KDM2A: variants seen among roughly 807,000 people sequenced by gnomAD.
KDM2A encodes the protein lysine-specific demethylase 2A.
A neutral mutation model predicts 137.3 loss-of-function variants in KDM2A; 3 were observed. The ratio of observed to expected loss-of-function variants is 0.02; its 90% confidence interval spans 0.01 to 0.06. The LOEUF (loss-of-function observed/expected upper bound fraction) is 0.06. Ranked by LOEUF, KDM2A falls within the 10% of genes least tolerant of loss-of-function variation. The probability of loss-of-function intolerance (pLI) is 1.00; values close to 1 mark genes in which losing one functional copy is unlikely to be tolerated. For missense variants in KDM2A, 738 were observed against 1,510.6 expected, an observed-to-expected ratio of 0.49 and a Z score of 8.48; for synonymous variants, 512 against 541.5, an observed-to-expected ratio of 0.95 and a Z score of 0.76.
At chr11:67,225,637 G>A (rs1211684570) in intron 10 of KDM2A, among the ~76,000 whole-genome samples, 2 of 152,216 alleles carry the variant, frequency 1.3e-5, no homozygotes, top group Admixed American at 6.5e-5. Flanking sequence ...AGGTGTGGTG[G>A]CGCATGCCTG....
intron 5 of KDM2A, among the ~76,000 whole-genome samples, chr11:67,190,403 T>G (rs774287881): frequency 4.9e-4 from 74 of 151,676 alleles, no homozygotes; most frequent in Admixed American, 3.5e-3. Flanking sequence ...AGAGCAAACC[T>G]CCGACTCAAA....
chr11:67,121,742 C>G (rs1414681327), intron 2 of KDM2A, among the ~76,000 whole-genome samples: 1 of 152,130 alleles, frequency 6.6e-6, no homozygotes, highest in Non-Finnish European at 1.5e-5. Flanking sequence ...TAGTTCAATA[C>G]GTTTTTTAAG....
Position 67,246,111 on chromosome 11 carries a change from C to A in KDM2A, c.1960C>A (p.Leu654Ile). 6.2e-7 allele frequency: 1 copy of A among 1,613,834 alleles called. No homozygotes were observed. Among genetic ancestry groups the A allele is most frequent in the South Asian group, 1.1e-5 (1 of 91,036 alleles). ...ICNEIVHPGC[L>I]QMDGEGLLNE... ...CAATGAGATTGTTCATCCTGGCTGC[C>A]TCCAGGTGAGGAGAGCTATGAGGGG... The change falls in exon 15 of 21, where the codon CTC (leucine) becomes ATC (isoleucine). Residue 654 changes from leucine (L) to isoleucine (I), a missense_variant. Coordinates refer to ENST00000529006, the MANE Select transcript of KDM2A (RefSeq NM_012308.3).
chr11:67,186,933 A>C (rs866493249), intron 5 of KDM2A, among the ~76,000 whole-genome samples: 4 of 152,310 alleles, frequency 2.6e-5, no homozygotes, highest in Middle Eastern at 3.4e-3. Context: ...ATGAGTTATT[A>C]ATTTAAGTTT....
At chr11:67,124,757 A>C (rs1855680421) in intron 2 of KDM2A, among the ~76,000 whole-genome samples, 1 of 150,874 alleles carries the variant, frequency 6.6e-6, no homozygotes, top group East Asian at 1.9e-4. Context: ...TGTTGCATAC[A>C]TTAACCCTTA....
At chr11:67,129,248 G>A (rs1283744551) in intron 2 of KDM2A, among the ~76,000 whole-genome samples, 1 of 152,190 alleles carries the variant, frequency 6.6e-6, no homozygotes, top group African/African-American at 2.4e-5. Flanking sequence ...ATGATGTTTG[G>A]TATTTGGACC....
chr11:67,196,019 A>C (rs1227653687), intron 5 of KDM2A: 1 of 413,820 alleles, frequency 2.4e-6, no homozygotes, highest in Non-Finnish European at 4.8e-6. Flanking sequence ...AAGAATTGCT[A>C]AATTTCTCTC....
chr11:67,229,485 C>T (rs1858644584), intron 11 of KDM2A, among the ~76,000 whole-genome samples: 1 of 152,182 alleles, frequency 6.6e-6, no homozygotes, highest in South Asian at 2.1e-4. Context: ...ATCACATGTT[C>T]TTATGGAATC....
chr11:67,187,731 G>A (rs530443403), intron 5 of KDM2A, among the ~76,000 whole-genome samples: 1 of 152,020 alleles, frequency 6.6e-6, no homozygotes, highest in Non-Finnish European at 1.5e-5. Flanking sequence ...CCGCCACCAC[G>A]CCCGGCTAAA....
chr11:67,174,140 C>T (rs1856930445), intron 2 of KDM2A, among the ~76,000 whole-genome samples: 2 of 152,182 alleles, frequency 1.3e-5, no homozygotes, highest in Admixed American at 1.3e-4. Flanking sequence ...TGCCAGTAAT[C>T]CCAGCTACTT....
At chr11:67,207,156 C>G (rs1054821561) in intron 5 of KDM2A, among the ~76,000 whole-genome samples, 2 of 152,148 alleles carry the variant, frequency 1.3e-5, no homozygotes, top group Non-Finnish European at 2.9e-5. Flanking sequence ...GAGCCTGCCC[C>G]GGTTCTTTTC....
At chr11:67,146,545 G>C (rs576079796) in intron 2 of KDM2A, among the ~76,000 whole-genome samples, 2 of 151,010 alleles carry the variant, frequency 1.3e-5, no homozygotes, top group African/African-American at 2.4e-5. Flanking sequence ...GTCTCACTTT[G>C]TTATCCACGC....
rs147210181 is a variant in KDM2A, at chr11:67,245,728, T to C, written c.1834-257T>C. The C allele has an allele frequency of 1.2e-4, 72 of 595,860 alleles. No homozygotes were observed. The East Asian group carries it at 2.1e-3, about 17-fold the overall frequency. The allele number at this position is 595,860 out of a possible 1,614,324, so 36.9% of individuals were successfully genotyped here. A position where few individuals can be genotyped will look rare whatever the true frequency, so the allele number is the denominator to read the frequency against. On this transcript the variant is annotated intron_variant, in intron 14 of 20. Transcript: ENST00000529006. This position sits in a 1 kb window ranked among gnomAD's most constrained non-coding sequence, Gnocchi z 4.1. ...CATTGCTTTCTTTCCCCTCTTCAGGTAGATTAGAAAGGACCGGGGAGGCCA... is the reference window on the plus strand; with the variant it reads ...CATTGCTTTCTTTCCCCTCTTCAGGCAGATTAGAAAGGACCGGGGAGGCCA...
At chr11:67,220,532 A>G (rs1858313538) in intron 10 of KDM2A, among the ~76,000 whole-genome samples, 1 of 152,226 alleles carries the variant, frequency 6.6e-6, no homozygotes, top group Admixed American at 6.5e-5. Context: ...TGGGGTTTCA[A>G]GAGAGAATTA....
intron 6 of KDM2A, 145 bp from the exon 7 acceptor site, chr11:67,215,195 G>A (rs1366249569): frequency 9.7e-6 from 5 of 517,398 alleles, no homozygotes; most frequent in Middle Eastern, 3.9e-4. Flanking sequence ...CCTAAGATTC[G>A]CCAACAGATT....
At position 67,250,121 on chromosome 11, in the gene KDM2A, G is replaced by A. The variant is rs1408797080; in HGVS notation, c.2091G>A (p.Val697=). The change falls in exon 17 of 21, where the codon GTG becomes GTA. Residue 697 remains valine, a synonymous_variant. Transcript: ENST00000529006. This position sits in a 1 kb window ranked among gnomAD's most constrained non-coding sequence, Gnocchi z 7.1. ...RKMEESDEEA[V]QAKVLRPLRS... is the part of the protein sequence containing the mutation. ...TGGAAGAGAGTGACGAAGAAGCTGTGCAAGCCAAAGTCCTGCGGCCCCTGC... is the reference window on the plus strand; with the variant it reads ...TGGAAGAGAGTGACGAAGAAGCTGTACAAGCCAAAGTCCTGCGGCCCCTGC... The A allele has an allele frequency of 1.2e-6, 2 of 1,604,408 alleles. No homozygotes were observed. Among genetic ancestry groups the A allele is most frequent in the South Asian group, 1.1e-5 (1 of 89,916 alleles).
At chr11:67,215,085 A>T (rs968516993) in intron 6 of KDM2A, among the ~76,000 whole-genome samples, 11 of 152,098 alleles carry the variant, frequency 7.2e-5, no homozygotes, top group Non-Finnish European at 1.6e-4. Context: ...ATAATTAATG[A>T]TTCCATTTTG....
intron 2 of KDM2A, among the ~76,000 whole-genome samples, chr11:67,146,599 C>A (rs1856253749): frequency 6.6e-6 from 1 of 152,120 alleles, no homozygotes; most frequent in East Asian, 1.9e-4. Flanking sequence ...ACCTCCACCT[C>A]CCAGACTTAA....
Position 67,253,587 on chromosome 11 carries a change from C to G in KDM2A, c.3067C>G (p.Leu1023Val), listed in dbSNP as rs1859506511. 2.5e-6 allele frequency: 4 copies of G among 1,613,968 alleles called. No homozygotes were observed. The highest frequency in any genetic ancestry group is 3.4e-6 in the Non-Finnish European group (4 of 1,179,866). Residue 1023 changes from leucine to valine, a missense_variant, in exon 19 of 21, where the codon CTT becomes GTT. Leu to Val is a conservative substitution (Grantham distance 32, BLOSUM62 1). Around this residue, in one of 9 missense-constraint regions of KDM2A, gnomAD observed 166 missense variants for 324.0 expected, o/e 0.51. Coordinates refer to ENST00000529006, the MANE Select transcript of KDM2A (RefSeq NM_012308.3). ...GIKDPQIRDL[L>V]TPPADKPGQD... ...CAAGGACCCTCAAATTCGGGACTTGCTTACTCCACCGGCTGATAAACCAGG... is the reference window on the plus strand; with the variant it reads ...CAAGGACCCTCAAATTCGGGACTTGGTTACTCCACCGGCTGATAAACCAGG...
Sources: gnomAD v4.1 joint callset for allele counts (sites outside exome capture counted in the v4.1 genomes callset) on GRCh38, gnomAD v4.1.1 for gene constraint, gnomAD v4.1.1 regional missense constraint, Gnocchi (gnomAD v3.1) non-coding constraint, MANE v1.5 for transcripts, NCBI Gene and HGNC (gene_info 2026-07-23, HGNC 2026-07-21) for gene names.